APLF: variants seen among roughly 807,000 people sequenced by gnomAD.
APLF encodes aprataxin and PNKP like factor, also known as aprataxin and PNK-like factor.
APLF carries 61 observed loss-of-function variants against 55.6 expected under a neutral mutation model. The observed-to-expected ratio is 1.10, with a 90% CI of 0.89 to 1.36. The LOEUF is 1.36. Ranked by LOEUF, APLF falls within the 40% of genes most tolerant of loss-of-function variation. The pLI is 0.00. For missense variants in APLF, 611 were observed against 602.5 expected, an observed-to-expected ratio of 1.01 and a Z score of -0.15; for synonymous variants, 207 against 214.8, an observed-to-expected ratio of 0.96 and a Z score of 0.32.
Position 68,548,508 on chromosome 2 carries a change from C to A in APLF, c.1286+3196C>A, listed in dbSNP as rs144149116. Among the ~76,000 whole-genome samples the A allele has an allele frequency of 5.3e-5, 8 of 152,020 alleles. No individual in the cohort carries two copies. The East Asian group carries it at 1.5e-3, about 29-fold the overall frequency. ...CATTAGTAATCAGGGACATTAGACA[C>A]ACATGCACACACACATAAACATATA... On this transcript the variant is annotated intron_variant, in intron 8 of 9. Transcript: ENST00000303795.
In APLF at chr2:68,563,026, A is replaced by G. The variant is rs559733790; in HGVS notation, c.1287-4315A>G. Reference sequence around the variant, plus strand: ...CAGCAAATTTTTGAGCCTGTCATAGATACTCTTTTCCTTCATTTTCAGTGA... The same window carrying G: ...CAGCAAATTTTTGAGCCTGTCATAGGTACTCTTTTCCTTCATTTTCAGTGA... On this transcript the variant is annotated intron_variant, in intron 8 of 9. Coordinates refer to ENST00000303795, the MANE Select transcript of APLF (RefSeq NM_173545.3). 1.2e-5 allele frequency: 12 copies of G among 979,612 alleles called. No individual in the cohort carries two copies. In the South Asian group the frequency reaches 4.3e-4, roughly 35 times the overall value. The allele number at this position is 979,612 out of a possible 1,614,324, so 60.7% of individuals were successfully genotyped here.
Position 68,563,342 on chromosome 2 carries a change from G to A in APLF, c.1287-3999G>A, listed in dbSNP as rs528334663. On this transcript the variant is annotated intron_variant, in intron 8 of 9. Transcript: ENST00000303795. ...CTCTTCCTTTTTGGAATAATTAAATGTAACACTTCTTTCATAGTTATTTGC... is the reference window on the plus strand; with the variant it reads ...CTCTTCCTTTTTGGAATAATTAAATATAACACTTCTTTCATAGTTATTTGC... The A allele has an allele frequency of 9.2e-6, 9 of 983,286 alleles. No homozygotes were observed. In the South Asian group the frequency reaches 2.4e-4, roughly 26 times the overall value. 60.9% of individuals were successfully genotyped at this position (983,286 alleles called of 1,614,324 possible). A position where few individuals can be genotyped will look rare whatever the true frequency, so the allele number is the denominator to read the frequency against.
At chr2:68,557,014 C>T (rs1468034331) in intron 8 of APLF, among the ~76,000 whole-genome samples, 1 of 151,918 alleles carries the variant, frequency 6.6e-6, no homozygotes, top group East Asian at 1.9e-4. Flanking sequence ...TTTGCTAGTT[C>T]CTCTTTTATT....
intron 1 of APLF, among the ~76,000 whole-genome samples, chr2:68,479,280 T>C (rs955366736): frequency 2.0e-5 from 3 of 152,204 alleles, no homozygotes; most frequent in South Asian, 2.1e-4. Context: ...ATTGTTGTTA[T>C]GGAAAAAGTC....
intron 1 of APLF, among the ~76,000 whole-genome samples, chr2:68,468,989 GGTGTGTGTGTGT>G (rs34695552): frequency 7.5e-5 from 11 of 146,662 alleles, no homozygotes; most frequent in African/African-American, 1.8e-4. Flanking sequence ...GTCCTAAAGG[GGTGTGTGTGTGT>G]GTGTGTGTGT....
chr2:68,489,081 A>G (rs1352474896), intron 1 of APLF, among the ~76,000 whole-genome samples: 1 of 151,718 alleles, frequency 6.6e-6, no homozygotes, highest in Non-Finnish European at 1.5e-5. Flanking sequence ...TTGGATAGCC[A>G]TTGTGGCTAA....
chr2:68,565,514 G>GATAGATAGATACATAC lies in APLF; in HGVS notation c.1287-1824_1287-1823insGATAGATACATACATA, dbSNP rs60590885. On this transcript the variant is annotated intron_variant, in intron 8 of 9. Transcript: ENST00000303795. The stretch of plus-strand genomic sequence containing the variant: ...AGTTAGATAGACAGATAGACAGATA[G>GATAGATAGATACATAC]ATACATACATACATACATACATACA... Among the ~76,000 whole-genome samples, 269 of 149,028 alleles carry GATAGATAGATACATAC rather than the reference G, an allele frequency of 1.8e-3. 1 individual carries two copies. The highest frequency in any genetic ancestry group is 5.7e-3 in the African/African-American group (229 of 40,186).
intron 9 of APLF, among the ~76,000 whole-genome samples, chr2:68,573,443 C>T (rs1007653951): frequency 2.0e-5 from 3 of 152,058 alleles, no homozygotes; most frequent in Non-Finnish European, 4.4e-5. Flanking sequence ...GGGGCCGAGG[C>T]GGGTGGATCA....
At chr2:68,565,698 G>A (rs1002135125) in intron 8 of APLF, among the ~76,000 whole-genome samples, 2 of 151,828 alleles carry the variant, frequency 1.3e-5, no homozygotes, top group African/African-American at 4.8e-5. Context: ...TCGAAGGCAC[G>A]GAGGAAAAAA....
intron 6 of APLF, among the ~76,000 whole-genome samples, chr2:68,532,650 A>T (rs975562987): frequency 6.6e-6 from 1 of 152,184 alleles, no homozygotes; most frequent in African/African-American, 2.4e-5. Context: ...TCTTCATAAG[A>T]CAGTTGTCAG....
rs554930375 is a variant in APLF, at chr2:68,499,560, C to T, written c.169-3171C>T. Among the ~76,000 whole-genome samples, 17 of 152,234 alleles carry T rather than the reference C, an allele frequency of 1.1e-4. No individual in the cohort carries two copies. The Middle Eastern group carries it at 0.01, about 91-fold the overall frequency. ...CTCTAATAATTAAATACTCTCAAGC[C>T]AGGTGCAGTGGCTCACACTTGTAAT... On this transcript the variant is annotated intron_variant, in intron 2 of 9. Transcript: ENST00000303795.
At chr2:68,533,955 A>G (rs1417923885) in intron 6 of APLF, among the ~76,000 whole-genome samples, 2 of 152,190 alleles carry the variant, frequency 1.3e-5, no homozygotes, top group African/African-American at 4.8e-5. Context: ...GAGAGATTGG[A>G]AAAGAACAAG....
intron 3 of APLF, among the ~76,000 whole-genome samples, chr2:68,506,782 A>G (rs1676883105): frequency 1.3e-5 from 2 of 152,006 alleles, no homozygotes; most frequent in South Asian, 4.1e-4. Flanking sequence ...CAGAAAGGCT[A>G]AATAAATTTG....
chr2:68,557,910 GAA>G (rs11338277), intron 8 of APLF, among the ~76,000 whole-genome samples: 4 of 132,436 alleles, frequency 3.0e-5, no homozygotes, highest in Admixed American at 7.6e-5. Context: ...GACTCCATCT[GAA>G]AAAAAAAAAA....
intron 8 of APLF, chr2:68,563,137 G>T: frequency 1.0e-6 from 1 of 985,250 alleles, no homozygotes; most frequent in Non-Finnish European, 1.2e-6. Context: ...AACTCAGCTA[G>T]TTTCTTCTGG....
chr2:68,490,081 T>A (rs2103906907), intron 1 of APLF, 109 bp from the exon 2 acceptor site: 1 of 595,346 alleles, frequency 1.7e-6, no homozygotes, highest in South Asian at 2.6e-5. Context: ...ATATTTCATA[T>A]CTAGTCTACT....
chr2:68,473,305 A>G (rs909556746), intron 1 of APLF, among the ~76,000 whole-genome samples: 17 of 152,162 alleles, frequency 1.1e-4, no homozygotes, highest in African/African-American at 3.9e-4. Context: ...TCACTTAGTA[A>G]TATGTATTTA....
intron 6 of APLF, chr2:68,528,164 C>T: frequency 3.0e-6 from 2 of 657,940 alleles, no homozygotes. Context: ...CCTCAGGTCT[C>T]AATCTCTTGA....
At position 68,525,742 on chromosome 2, in the gene APLF, C is replaced by CTTTTTTTTTT. The variant is rs386390398; in HGVS notation, c.623-303_623-294dup. Among the ~76,000 whole-genome samples the CTTTTTTTTTT allele has an allele frequency of 9.8e-4, 80 of 82,020 alleles. 11 individuals carry two copies. Among genetic ancestry groups the CTTTTTTTTTT allele is most frequent in the African/African-American group, 4.5e-3 (72 of 16,178 alleles). 53.8% of individuals were successfully genotyped at this position (82,020 alleles called of 152,430 possible). On this transcript the variant is annotated intron_variant, in intron 5 of 9. Transcript: ENST00000303795. ...TTTATCCTTTTTATTTTCTTTCTTT[C>CTTTTTTTTTT]TTTTTTTTTTTTTTTTTTTTTTTTT...
Sources: allele counts gnomAD v4.1 joint callset (sites outside exome capture counted in the v4.1 genomes callset), GRCh38; gene constraint gnomAD v4.1.1; transcripts MANE v1.5; gene names NCBI Gene and HGNC (gene_info 2026-07-23, HGNC 2026-07-21).